KHDRBS3: variants seen among roughly 807,000 people sequenced by gnomAD.
KHDRBS3 encodes KH RNA binding domain containing, signal transduction associated 3, also known as KH domain-containing, RNA-binding, signal transduction-associated protein 3.
KHDRBS3 carries 23 observed loss-of-function variants against 45.6 expected under a neutral mutation model. The observed-to-expected ratio is 0.50, with a 90% confidence interval of 0.36 to 0.72. KHDRBS3 has a LOEUF of 0.72. KHDRBS3 is among the 30% of genes least tolerant of loss of function. The pLI, the probability that KHDRBS3 is intolerant of heterozygous loss-of-function variation, is 0.00. For missense variants in KHDRBS3, 352 were observed against 424.8 expected (o/e 0.83, Z 1.51); for synonymous variants, 162 against 156.5 (o/e 1.04, Z -0.26).
chr8:135,562,342 CA>C (rs1293409389), intron 5 of KHDRBS3, among the ~76,000 whole-genome samples: 1 of 152,240 alleles, frequency 6.6e-6, no homozygotes, highest in East Asian at 1.9e-4. Context: ...ATACGGTATT[CA>C]GTACAATAAC....
At chr8:135,647,845 C>T (rs1254140111), downstream of KHDRBS3, 3 of 152,120 alleles carry the variant, frequency 2.0e-5, no homozygotes, top group Admixed American at 6.6e-5. Flanking sequence ...TTGAGTGGCA[C>T]GTTAAACTAC....
chr8:135,520,567 T>A (rs1025685055), intron 1 of KHDRBS3, among the ~76,000 whole-genome samples: 1 of 152,164 alleles, frequency 6.6e-6, no homozygotes, highest in Non-Finnish European at 1.5e-5. Flanking sequence ...TTTGTGAGTA[T>A]CAAGGTGAGA....
At chr8:135,529,274 T>C (rs1463551341) in intron 2 of KHDRBS3, among the ~76,000 whole-genome samples, 1 of 152,210 alleles carries the variant, frequency 6.6e-6, no homozygotes, top group East Asian at 1.9e-4. Flanking sequence ...CTTCAGAAGC[T>C]ACATTTGTCC....
rs11166602 is a variant in KHDRBS3, at chr8:135,548,910, A to T, written c.471+10A>T. ...AAAGTTCCTCATCCCTGTTAGTACC[A>T]TTTTTCTTGATAGTTAACTTGTACT... On this transcript the variant is annotated intron_variant, in intron 4 of 8. Coordinates refer to ENST00000355849, the MANE Select transcript of KHDRBS3 (RefSeq NM_006558.3). The T allele has an allele frequency of 5.6e-5, 86 of 1,537,482 alleles. No individual in the cohort carries two copies. In the East Asian group the frequency reaches 1.9e-3, roughly 35 times the overall value.
chr8:135,531,608 T>A (rs78207101), intron 2 of KHDRBS3, among the ~76,000 whole-genome samples: 6,385 of 152,154 alleles, frequency 0.042, 174 homozygotes, highest in African/African-American at 0.074. Flanking sequence ...CTAAATAATA[T>A]AGGATAAAGA....
chr8:135,514,319 TG>T (rs1453637018), intron 1 of KHDRBS3, among the ~76,000 whole-genome samples: 8 of 152,224 alleles, frequency 5.3e-5, no homozygotes, highest in African/African-American at 1.9e-4. Context: ...TCCAAATATC[TG>T]TCAACCAATG....
At chr8:135,559,392 AC>A (rs1723828692) in intron 5 of KHDRBS3, among the ~76,000 whole-genome samples, 1 of 152,026 alleles carries the variant, frequency 6.6e-6, no homozygotes, top group Non-Finnish European at 1.5e-5. Context: ...TTGCCCTGTC[AC>A]CCGGGCTGGA....
At chr8:135,477,144 G>T (rs1822329969) in intron 1 of KHDRBS3, among the ~76,000 whole-genome samples, 1 of 151,950 alleles carries the variant, frequency 6.6e-6, no homozygotes, top group African/African-American at 2.4e-5. Flanking sequence ...AATGTATATA[G>T]GTTACATATA....
intron 7 of KHDRBS3, among the ~76,000 whole-genome samples, chr8:135,611,345 C>CA (rs929691472): frequency 6.6e-6 from 1 of 151,942 alleles, no homozygotes; most frequent in African/African-American, 2.4e-5. Flanking sequence ...ACAAAGGAGA[C>CA]AAACTTTGAA....
At position 135,494,384 on chromosome 8, in the gene KHDRBS3, T is replaced by C. The variant is rs575474891; in HGVS notation, c.89-26853T>C. On this transcript the variant is annotated intron_variant, in intron 1 of 8. Coordinates refer to ENST00000355849, the MANE Select transcript of KHDRBS3 (RefSeq NM_006558.3). The stretch of plus-strand genomic sequence containing the variant: ...AGCTCCGCCTCCCGGGTTCACGCCA[T>C]TCTCCTGCCTCAGCCTCCTGAGTAG... Among the ~76,000 whole-genome samples the C allele has an allele frequency of 2.0e-5, 3 of 147,848 alleles. No homozygotes were observed. The East Asian group carries it at 6.3e-4, about 31-fold the overall frequency.
At chr8:135,496,168 TAG>T (rs1246982482) in intron 1 of KHDRBS3, among the ~76,000 whole-genome samples, 3 of 117,628 alleles carry the variant, frequency 2.6e-5, no homozygotes, top group East Asian at 2.8e-4. Flanking sequence ...AGGAAAACTG[TAG>T]AGAGAGGGAA....
chr8:135,477,160 A>G (rs1244979527), intron 1 of KHDRBS3, among the ~76,000 whole-genome samples: 2 of 152,266 alleles, frequency 1.3e-5, no homozygotes, highest in Admixed American at 1.3e-4. Flanking sequence ...ATATACAGAT[A>G]GATAGATACA....
chr8:135,483,098 C>G (rs1314556871), intron 1 of KHDRBS3, among the ~76,000 whole-genome samples: 1 of 152,092 alleles, frequency 6.6e-6, no homozygotes. Flanking sequence ...TTCTCCACCC[C>G]CCAACCCTGT....
chr8:135,580,747 G>T (rs925656778), intron 5 of KHDRBS3, among the ~76,000 whole-genome samples: 1 of 151,802 alleles, frequency 6.6e-6, no homozygotes, highest in South Asian at 2.1e-4. Flanking sequence ...CAAGTAGCTG[G>T]GACTATAGGC....
chr8:135,512,434 G>A (rs1044777401), intron 1 of KHDRBS3, among the ~76,000 whole-genome samples: 1 of 135,110 alleles, frequency 7.4e-6, no homozygotes, highest in South Asian at 2.7e-4. Flanking sequence ...AAAGTCGGGG[G>A]GGGGGTAATA....
chr8:135,469,044 C>T (rs1324805225), intron 1 of KHDRBS3, among the ~76,000 whole-genome samples: 1 of 152,366 alleles, frequency 6.6e-6, no homozygotes, highest in East Asian at 1.9e-4. Context: ...GAGCACATGG[C>T]CCCTGCTTTG....
intron 7 of KHDRBS3, among the ~76,000 whole-genome samples, chr8:135,630,175 A>G (rs189882180): frequency 6.6e-5 from 10 of 152,350 alleles, no homozygotes; most frequent in African/African-American, 2.2e-4. Context: ...TGGAGCATCA[A>G]TGCCTGTGCT....
At chr8:135,606,898 T>A in intron 6 of KHDRBS3, 57 bp from the exon 7 acceptor site, 1 of 1,350,088 alleles carries the variant, frequency 7.4e-7, no homozygotes. Flanking sequence ...AGCAGAATGC[T>A]TCTTTCTTTT....
intron 7 of KHDRBS3, among the ~76,000 whole-genome samples, chr8:135,614,125 T>C (rs991219001): frequency 3.3e-5 from 5 of 151,906 alleles, no homozygotes; most frequent in African/African-American, 1.2e-4. Flanking sequence ...TTCACACATT[T>C]AATGAGTAAC....
Sources: allele counts gnomAD v4.1 joint callset (sites outside exome capture counted in the v4.1 genomes callset), GRCh38; gene constraint gnomAD v4.1.1; transcripts MANE v1.5; gene names NCBI Gene and HGNC (gene_info 2026-07-23, HGNC 2026-07-21).